Variants in DTNA observed in about 807,000 individuals in gnomAD.
DTNA encodes dystrobrevin alpha, also known as dystrophin-related protein 3.
DTNA carries 43 observed loss-of-function variants against 100.7 expected under a neutral mutation model. The observed-to-expected ratio is 0.43, with a 90% CI of 0.33 to 0.55. DTNA has a LOEUF of 0.55. DTNA is among the 20% of genes least tolerant of loss of function. The probability of loss-of-function intolerance (pLI) is 0.04; values close to 1 mark genes in which losing one functional copy is unlikely to be tolerated. For synonymous variants in DTNA, 349 were observed against 347.9 expected (o/e 1.00, Z -0.04); for missense variants, 798 against 953.9 (o/e 0.84, Z 2.15).
rs1435008203 is a variant in DTNA, at chr18:34,882,215, G to T, written c.2295+14G>T. The T allele has an allele frequency of 6.2e-7, 1 of 1,613,292 alleles. No homozygotes were observed. Among genetic ancestry groups the T allele is most frequent in the African/African-American group, 1.3e-5 (1 of 74,850 alleles). ...GAAGCTTATCAGGTACAGGGATCCAGGCCCACCCCACCCCACCTCTTCTGC... is the reference window on the plus strand; with the variant it reads ...GAAGCTTATCAGGTACAGGGATCCATGCCCACCCCACCCCACCTCTTCTGC... On this transcript the variant is annotated intron_variant, in intron 21 of 22. Transcript: ENST00000444659.
intron 1 of DTNA, among the ~76,000 whole-genome samples, chr18:34,723,928 A>G (rs969250812): frequency 6.6e-5 from 10 of 152,282 alleles, no homozygotes; most frequent in African/African-American, 2.4e-4. Context: ...GAAAGAAAAA[A>G]AAACTATGAA....
rs573083431 is a variant in DTNA at position 34,610,605 on chromosome 18, T to A, written c.-2+117091T>A. On this transcript the variant is annotated intron_variant, in intron 1 of 19. Transcript: ENST00000283365. ...CTGGGAAAGGGTGCAGAGAACTACATAAGTAACAGTGCACACTTGAAAATG... is the reference window on the plus strand; with the variant it reads ...CTGGGAAAGGGTGCAGAGAACTACAAAAGTAACAGTGCACACTTGAAAATG... Among the ~76,000 whole-genome samples the A allele has an allele frequency of 2.0e-5, 3 of 152,332 alleles. No homozygotes were observed. In the East Asian group the frequency reaches 5.8e-4, roughly 29 times the overall value.
intron 1 of DTNA, among the ~76,000 whole-genome samples, chr18:34,628,789 CA>C (rs1243783556): frequency 6.6e-6 from 1 of 152,134 alleles, no homozygotes; most frequent in African/African-American, 2.4e-5. Flanking sequence ...TTGTTTGTCA[CA>C]CTTTATAAGC....
At chr18:34,534,439 A>G (rs2043471593) in intron 1 of DTNA, among the ~76,000 whole-genome samples, 1 of 152,090 alleles carries the variant, frequency 6.6e-6, no homozygotes, top group African/African-American at 2.4e-5. Flanking sequence ...GTTGTGAGAC[A>G]TTATCCCATG....
rs1312164641 is a variant in DTNA, at chr18:34,877,761, A to T, written c.1946A>T (p.Asp649Val). The change falls in exon 19 of 23, where the codon GAT becomes GTT. Residue 649 changes from aspartate to valine, a missense_variant. Asp to Val is a radical substitution (Grantham distance 152). This residue lies in a region of DTNA where 242 missense variants were observed against 238.2 expected (regional missense o/e 1.02). Coordinates refer to ENST00000444659, the MANE Select transcript of DTNA (RefSeq NM_001386795.1). ...AGGAATGACTTGCTAGTGGCTGCAG[A>T]TTCCATCACTAACACTATGTCCTCT... ...NLRNDLLVAADSITNTMSSLV... is the reference protein window; with the variant it reads ...NLRNDLLVAAVSITNTMSSLV... 6.2e-7 allele frequency: 1 copy of T among 1,613,994 alleles called. No individual in the cohort carries two copies.
intron 3 of DTNA, 107 bp downstream of exon 3, chr18:34,766,148 T>TAA (rs1286428068): frequency 1.6e-6 from 2 of 1,244,720 alleles, no homozygotes; most frequent in Non-Finnish European, 2.3e-6. Flanking sequence ...CTAATATTGT[T>TAA]ATATATGTTT....
chr18:34,864,109 C>A, intron 17 of DTNA, 47 bp downstream of exon 17: 1 of 1,544,810 alleles, frequency 6.5e-7, no homozygotes, highest in Non-Finnish European at 8.8e-7. Context: ...TCCATGTCAT[C>A]TGTGAAAATT....
intron 1 of DTNA, among the ~76,000 whole-genome samples, chr18:34,689,802 C>G (rs887387875): frequency 6.6e-6 from 1 of 152,198 alleles, no homozygotes; most frequent in African/African-American, 2.4e-5. Context: ...ATCTATAAGC[C>G]CCTGGCTGGG....
intron 3 of DTNA, among the ~76,000 whole-genome samples, chr18:34,786,204 G>A (rs1220716228): frequency 6.6e-6 from 1 of 152,180 alleles, no homozygotes; most frequent in Non-Finnish European, 1.5e-5. Flanking sequence ...TAAGGACATT[G>A]GAACTTTGTT....
intron 1 of DTNA, among the ~76,000 whole-genome samples, chr18:34,682,723 A>T (rs1377557727): frequency 6.6e-6 from 1 of 152,118 alleles, no homozygotes; most frequent in Non-Finnish European, 1.5e-5. Flanking sequence ...GTTGAGTGTT[A>T]AAAGTTCTTT....
chr18:34,500,613 AC>A (rs1001378971), intron 1 of DTNA, among the ~76,000 whole-genome samples: 1 of 150,156 alleles, frequency 6.7e-6, no homozygotes, highest in Non-Finnish European at 1.5e-5. Context: ...ACAGGCACCC[AC>A]CCCCACGCCC....
At chr18:34,840,801 A>G (rs920387497) in intron 13 of DTNA, among the ~76,000 whole-genome samples, 2 of 152,194 alleles carry the variant, frequency 1.3e-5, no homozygotes, top group Admixed American at 1.3e-4. Flanking sequence ...AGTTTTTTCT[A>G]TCCTTAAAAA....
chr18:34,606,393 A>G lies in DTNA; in HGVS notation c.-2+112879A>G, dbSNP rs73410596. Among the ~76,000 whole-genome samples, 474 of 152,338 alleles carry G rather than the reference A, an allele frequency of 3.1e-3. 3 individuals are homozygous for G. Among genetic ancestry groups the G allele is most frequent in the African/African-American group, 0.011 (451 of 41,590 alleles). ...TATTTCACAACAAAAATATTTCACA[A>G]CAAAAAATGAGAAACTAGCAATGTG... On this transcript the variant is annotated intron_variant, in intron 1 of 19. Coordinates refer to the DTNA transcript ENST00000283365.
At chr18:34,530,570 C>A (rs2043042059) in intron 1 of DTNA, among the ~76,000 whole-genome samples, 1 of 152,018 alleles carries the variant, frequency 6.6e-6, no homozygotes, top group African/African-American at 2.4e-5. Flanking sequence ...CATGGAAAAG[C>A]AAAATTAATA....
At chr18:34,638,642 G>A (rs2058916093) in intron 1 of DTNA, among the ~76,000 whole-genome samples, 3 of 152,154 alleles carry the variant, frequency 2.0e-5, no homozygotes, top group Non-Finnish European at 2.9e-5. Flanking sequence ...TTCTATATGG[G>A]AACATGCTAC....
rs533712232 is a variant in DTNA at position 34,737,913 on chromosome 18, T to A, written c.-1-18063T>A. On this transcript the variant is annotated intron_variant, in intron 1 of 22. Coordinates refer to ENST00000444659, the MANE Select transcript of DTNA (RefSeq NM_001386795.1). ...TAAAACAGACACCAACAAAAACAATTTCATGAAGATTTTATGACAATTGCA... is the reference window on the plus strand; with the variant it reads ...TAAAACAGACACCAACAAAAACAATATCATGAAGATTTTATGACAATTGCA... 3.9e-5 allele frequency: 6 copies of A among 152,218 alleles called. No homozygotes were observed. The East Asian group carries it at 1.2e-3, about 29-fold the overall frequency. 9.4% of individuals were successfully genotyped at this position (152,218 alleles called of 1,614,324 possible).
intron 2 of DTNA, among the ~76,000 whole-genome samples, chr18:34,764,607 T>G (rs1170027402): frequency 6.6e-6 from 1 of 152,224 alleles, no homozygotes; most frequent in East Asian, 1.9e-4. Flanking sequence ...AATAGGACTA[T>G]TGGCAACACT....
At chr18:34,502,882 AT>A (rs1331125013) in intron 1 of DTNA, among the ~76,000 whole-genome samples, 1 of 152,126 alleles carries the variant, frequency 6.6e-6, no homozygotes, top group Non-Finnish European at 1.5e-5. Flanking sequence ...ATGTTGGTTG[AT>A]GTTGCTGTCA....
intron 17 of DTNA, among the ~76,000 whole-genome samples, chr18:34,874,403 A>T (rs1175438234): frequency 6.6e-6 from 1 of 152,234 alleles, no homozygotes; most frequent in Non-Finnish European, 1.5e-5. Flanking sequence ...GAATATTTCC[A>T]AGGCACCTCA....
Sources: gnomAD v4.1 joint callset for allele counts (sites outside exome capture counted in the v4.1 genomes callset) on GRCh38, gnomAD v4.1.1 for gene constraint, gnomAD v4.1.1 regional missense constraint, MANE v1.5 for transcripts, NCBI Gene and HGNC (gene_info 2026-07-23, HGNC 2026-07-21) for gene names.